Variants in ASAH1 observed in about 807,000 individuals in gnomAD.
ASAH1 encodes the protein acid ceramidase.
Under a neutral mutation model 59.5 loss-of-function variants are expected in ASAH1, and 70 were observed. The observed-to-expected ratio is 1.18, with a 90% CI of 0.97 to 1.43. The LOEUF (loss-of-function observed/expected upper bound fraction) is 1.43, where lower values mean the gene tolerates loss of function less well. Among genes scored for constraint, ASAH1 ranks in the 40% most tolerant of loss-of-function variants. ASAH1 has a pLI of 0.00. For synonymous variants in ASAH1, 213 were observed against 166.5 expected (o/e 1.28, Z -2.15); for missense variants, 660 against 482.5 (o/e 1.37, Z -3.45).
At chr8:18,062,064 A>G (rs1799727318) in intron 8 of ASAH1, 3 of 661,500 alleles carry the variant, frequency 4.5e-6, no homozygotes, top group Non-Finnish European at 5.1e-6. Context: ...ACCCAGCCAC[A>G]TGCTCTTTAT....
At position 18,064,515 on chromosome 8, in the gene ASAH1, G is replaced by A; in HGVS notation, c.399C>T (p.Phe133=). 1 of 1,545,988 alleles carries A rather than the reference G, an allele frequency of 6.5e-7. No homozygotes were observed. Among genetic ancestry groups the A allele is most frequent in the South Asian group, 1.1e-5 (1 of 88,354 alleles). ...TDIPLGEIIS[F]NIFYELFTIC... is the part of the protein sequence containing the mutation. The stretch of plus-strand genomic sequence containing the variant: ...TGGTAAATAATTCATAAAAAATATT[G>A]AATGAAATAATCTCTCCTATGAGAA... Residue 133 remains phenylalanine (F), a synonymous_variant, in exon 6 of 14, where the codon TTC becomes TTT. Transcript: ENST00000637790.
intron 2 of ASAH1, among the ~76,000 whole-genome samples, chr8:18,074,401 A>G (rs56810657): frequency 0.069 from 10,490 of 152,114 alleles, 436 homozygotes; most frequent in African/African-American, 0.11. Flanking sequence ...AACTTAGTTT[A>G]TTACAGTTTC....
At chr8:18,083,027 T>C (rs1800722198) in intron 1 of ASAH1, 1 of 152,204 alleles carries the variant, frequency 6.6e-6, no homozygotes, top group Non-Finnish European at 1.5e-5. Context: ...TCAATTTTAA[T>C]GGCTAAATCA....
chr8:18,080,416 GC>G (rs1025297064), intron 1 of ASAH1, among the ~76,000 whole-genome samples: 7 of 152,006 alleles, frequency 4.6e-5, no homozygotes, highest in Admixed American at 4.6e-4. Flanking sequence ...GCTGTTTTCT[GC>G]CCCCAACACT....
At chr8:18,058,427 G>A (rs1161578270) in intron 13 of ASAH1, 3 of 180,140 alleles carry the variant, frequency 1.7e-5, no homozygotes, top group South Asian at 1.2e-4. Context: ...TACAGTGTAG[G>A]GAAAAGATAA....
chr8:18,084,876 A>T (rs1800833159), upstream of ASAH1: 1 of 1,583,210 alleles, frequency 6.3e-7, no homozygotes, highest in African/African-American at 1.3e-5. Flanking sequence ...GAGGAGGCGG[A>T]CGCGAGTAGC....
intron 1 of ASAH1, among the ~76,000 whole-genome samples, chr8:18,079,781 T>C (rs1800575660): frequency 6.6e-6 from 1 of 152,212 alleles, no homozygotes; most frequent in Non-Finnish European, 1.5e-5. Flanking sequence ...TGCAGACAAG[T>C]TTTTCCTATA....
intron 1 of ASAH1, among the ~76,000 whole-genome samples, chr8:18,077,613 T>C (rs1011735797): frequency 1.5e-4 from 23 of 152,200 alleles, no homozygotes; most frequent in Admixed American, 1.5e-3. Flanking sequence ...GTTCTTTAAT[T>C]GATATTGATG....
intron 6 of ASAH1, chr8:18,063,448 C>A (rs999767801): frequency 1.2e-5 from 6 of 483,784 alleles, no homozygotes; most frequent in African/African-American, 8.2e-5. Context: ...GGATTACAGA[C>A]ATGTGCGACC....
intron 1 of ASAH1, among the ~76,000 whole-genome samples, chr8:18,080,102 G>C (rs1800590463): frequency 1.3e-5 from 2 of 152,158 alleles, no homozygotes; most frequent in Admixed American, 1.3e-4. Context: ...GGAGAAGTAG[G>C]GAAAAGCAGA....
At chr8:18,072,245 G>A (rs950210677) in intron 2 of ASAH1, among the ~76,000 whole-genome samples, 4 of 152,202 alleles carry the variant, frequency 2.6e-5, no homozygotes, top group African/African-American at 9.7e-5. Context: ...CTGTTCCACT[G>A]ATCTGCTCCT....
At position 18,071,372 on chromosome 8, in the gene ASAH1, T is replaced by G. The variant is rs757786447; in HGVS notation, c.144A>C (p.Pro48=). ...GTAAGTCAAGATTTATGGTGTACCA[T>G]GGAACTGCACCTCTGTACCTGTAAT... ...PSGPTYRGAV[P]WYTINLDLPP... Residue 48 remains proline (P), a synonymous_variant, in exon 3 of 14, where the codon CCA becomes CCC. Coordinates refer to ENST00000637790, the MANE Select transcript of ASAH1 (RefSeq NM_177924.5). The G allele has an allele frequency of 6.3e-7, 1 of 1,598,128 alleles. No individual in the cohort carries two copies. The highest frequency in any genetic ancestry group is 1.7e-5 in the Admixed American group (1 of 59,260).
At chr8:18,083,820 C>G in intron 1 of ASAH1, 161 bp downstream of exon 1, 2 of 1,431,484 alleles carry the variant, frequency 1.4e-6, no homozygotes, top group Non-Finnish European at 1.9e-6. Flanking sequence ...GTTCGCCAGC[C>G]CGCTCTGCAC....
chr8:18,064,236 T>C (rs917169374), intron 6 of ASAH1: 1 of 584,018 alleles, frequency 1.7e-6, no homozygotes. Context: ...TCTTCCAGGT[T>C]TTTTGCATGT....
chr8:18,061,354 A>C (rs1353351243), intron 10 of ASAH1, 23 bp downstream of exon 10: 1 of 1,566,184 alleles, frequency 6.4e-7, no homozygotes, highest in Non-Finnish European at 8.8e-7. Context: ...AATATTTAAT[A>C]GTAAAGCAAC....
chr8:18,060,879 G>C (rs1724488708), intron 10 of ASAH1: 1 of 169,752 alleles, frequency 5.9e-6, no homozygotes, highest in African/African-American at 2.4e-5. Context: ...CTCCTGAGTA[G>C]CTGGGACTAC....
At chr8:18,078,582 A>G (rs550566745) in intron 1 of ASAH1, among the ~76,000 whole-genome samples, 2 of 152,288 alleles carry the variant, frequency 1.3e-5, no homozygotes, top group African/African-American at 4.8e-5. Context: ...CTCCCCCTCA[A>G]AAAAGAATTC....
chr8:18,070,472 C>T (rs1289649703), intron 3 of ASAH1, among the ~76,000 whole-genome samples: 1 of 151,796 alleles, frequency 6.6e-6, no homozygotes, highest in Non-Finnish European at 1.5e-5. Context: ...TTAATAGAGA[C>T]AGGGTTTCAC....
At chr8:18,058,558 T>A (rs926735874) in intron 13 of ASAH1, 39 of 443,428 alleles carry the variant, frequency 8.8e-5, no homozygotes, top group Non-Finnish European at 1.4e-4. Context: ...GTGAGATTTT[T>A]AATAGATACC....
Sources: gnomAD v4.1 joint callset for allele counts (sites outside exome capture counted in the v4.1 genomes callset) on GRCh38, gnomAD v4.1.1 for gene constraint, MANE v1.5 for transcripts, NCBI Gene and HGNC (gene_info 2026-07-23, HGNC 2026-07-21) for gene names.